The following PTPRS variants were observed in gnomAD, a reference collection of about 807,000 sequenced individuals.
PTPRS encodes receptor-type tyrosine-protein phosphatase S.
Under a neutral mutation model 215.3 loss-of-function variants are expected in PTPRS, and 63 were observed. The observed-to-expected ratio is 0.29, with a 90% CI of 0.24 to 0.36. The LOEUF (loss-of-function observed/expected upper bound fraction) is 0.36, where lower values mean the gene tolerates loss of function less well. Ranked by LOEUF, PTPRS falls within the 10% of genes least tolerant of loss-of-function variation. PTPRS has a pLI of 1.00. For synonymous variants in PTPRS, 1,404 were observed against 1,191.4 expected, an observed-to-expected ratio of 1.18 and a Z score of -3.68; for missense variants, 2,258 against 2,825.8, an observed-to-expected ratio of 0.80 and a Z score of 4.56.
chr19:5,211,789 G>C, intron 32 of PTPRS, 21 bp from the exon 33 acceptor site: 1 of 1,607,220 alleles, frequency 6.2e-7, no homozygotes, highest in Non-Finnish European at 8.5e-7. Flanking sequence ...GAGGAAGCCA[G>C]AGGCCACCAT....
chr19:5,286,954 G>A (rs190941613), intron 1 of PTPRS, among the ~76,000 whole-genome samples: 113 of 152,184 alleles, frequency 7.4e-4, no homozygotes, highest in Non-Finnish European at 1.3e-3. Flanking sequence ...AGGAAGGAGG[G>A]GACTCCAGAC....
At position 5,222,152 on chromosome 19, in the gene PTPRS, C is replaced by T. The variant is rs1599455730; in HGVS notation, c.3172G>A (p.Asp1058Asn). The T allele has an allele frequency of 6.2e-7, 1 of 1,613,996 alleles. No homozygotes were observed. The highest frequency in any genetic ancestry group is 8.5e-7 in the Non-Finnish European group (1 of 1,179,976). ...TAGGGTGTGGGTGAGTTGTAGTTGTCAGGGAACTCCCAGCTGAGCAGAACT... is the reference window on the plus strand; with the variant it reads ...TAGGGTGTGGGTGAGTTGTAGTTGTTAGGGAACTCCCAGCTGAGCAGAACT... Reference protein sequence around the residue: ...TSVLLSWEFPDNYNSPTPYKI... With the variant: ...TSVLLSWEFPNNYNSPTPYKI... Residue 1058 changes from aspartate (D) to asparagine (N), a missense_variant, in exon 19 of 38, where the codon GAC (aspartate) becomes AAC (asparagine). Asp to Asn is a conservative substitution (Grantham distance 23). Around this residue, in one of 6 missense-constraint regions of PTPRS, gnomAD observed 361 missense variants for 332.6 expected, o/e 1.09. Coordinates refer to ENST00000262963, the MANE Select transcript of PTPRS (RefSeq NM_002850.4).
chr19:5,270,197 G>A (rs1412762699), intron 4 of PTPRS, among the ~76,000 whole-genome samples: 2 of 152,154 alleles, frequency 1.3e-5, no homozygotes, highest in East Asian at 3.9e-4. Flanking sequence ...ATGGGATCCA[G>A]GACCCACGCA....
intron 1 of PTPRS, among the ~76,000 whole-genome samples, chr19:5,331,305 TTG>T (rs1013365405): frequency 5.3e-5 from 8 of 151,622 alleles, no homozygotes; most frequent in African/African-American, 1.9e-4. Flanking sequence ...TGATTTTTTT[TTG>T]TTTTTTGTAG....
intron 11 of PTPRS, 149 bp from the exon 12 acceptor site, chr19:5,240,481 A>C: frequency 1.4e-6 from 1 of 712,252 alleles, no homozygotes; most frequent in Non-Finnish European, 2.1e-6. Flanking sequence ...CCCCCATCCC[A>C]TTGTCACCTG....
intron 2 of PTPRS, among the ~76,000 whole-genome samples, chr19:5,279,773 C>T (rs111311395): frequency 6.6e-6 from 1 of 152,146 alleles, no homozygotes; most frequent in Admixed American, 6.6e-5. Context: ...AGCTTCACCT[C>T]CCGGATTCAC....
chr19:5,222,319 G>C, intron 18 of PTPRS, 99 bp from the exon 19 acceptor site: 2 of 1,013,730 alleles, frequency 2.0e-6, no homozygotes, highest in Non-Finnish European at 3.0e-6. Flanking sequence ...GGCGGCCCAG[G>C]CGCTCCCTGT....
intron 18 of PTPRS, among the ~76,000 whole-genome samples, chr19:5,222,450 AGGAGGAGGAAGAGGGG>A (rs2042068125): frequency 5.2e-5 from 2 of 38,682 alleles, no homozygotes; most frequent in Non-Finnish European, 9.5e-5. Flanking sequence ...AAGAAGGTGG[AGGAGGAGGAAGAGGGG>A]GGAGGGGAGC....
At chr19:5,316,906 G>T (rs903664413) in intron 1 of PTPRS, among the ~76,000 whole-genome samples, 1 of 152,164 alleles carries the variant, frequency 6.6e-6, no homozygotes, top group Admixed American at 6.6e-5. Context: ...CCCAGGCACC[G>T]GGGACCTGGC....
chr19:5,312,173 C>G (rs1201496197), intron 1 of PTPRS, among the ~76,000 whole-genome samples: 1 of 152,064 alleles, frequency 6.6e-6, no homozygotes, highest in Non-Finnish European at 1.5e-5. Context: ...GCATGTCCGT[C>G]AGGAGGGGCT....
intron 17 of PTPRS, 135 bp from the exon 18 acceptor site, chr19:5,223,432 C>A: frequency 8.8e-7 from 1 of 1,141,586 alleles, no homozygotes. Flanking sequence ...ACTCTGTTGC[C>A]CAGCCTGGAG....
chr19:5,324,654 A>G (rs2050123402), intron 1 of PTPRS, among the ~76,000 whole-genome samples: 1 of 151,918 alleles, frequency 6.6e-6, no homozygotes, highest in Non-Finnish European at 1.5e-5. Context: ...TCCTAACTCA[A>G]CTCTACTTGC....
chr19:5,215,662 G>A (rs905364115), intron 26 of PTPRS, 67 bp from the exon 27 acceptor site: 11 of 1,099,606 alleles, frequency 1.0e-5, no homozygotes, highest in Non-Finnish European at 1.5e-5. Context: ...TCGGGGGAGG[G>A]GGGTGATCTA....
At chr19:5,241,788 G>A (rs770180808) in intron 11 of PTPRS, among the ~76,000 whole-genome samples, 21 of 152,098 alleles carry the variant, frequency 1.4e-4, no homozygotes, top group Non-Finnish European at 2.6e-4. Flanking sequence ...TCCAAGTCCT[G>A]CCACCTGAGC....
intron 25 of PTPRS, among the ~76,000 whole-genome samples, chr19:5,217,377 G>T (rs1378184926): frequency 6.6e-6 from 1 of 152,100 alleles, no homozygotes; most frequent in African/African-American, 2.4e-5. Context: ...AAAAACCAAA[G>T]CAACACGAAT....
At chr19:5,227,224 A>G (rs927483142) in intron 16 of PTPRS, among the ~76,000 whole-genome samples, 1 of 151,828 alleles carries the variant, frequency 6.6e-6, no homozygotes, top group Non-Finnish European at 1.5e-5. Flanking sequence ...AATGATGTTT[A>G]TATTTTTTGT....
intron 9 of PTPRS, among the ~76,000 whole-genome samples, chr19:5,248,646 G>C (rs1016847914): frequency 6.6e-6 from 1 of 152,182 alleles, no homozygotes. Flanking sequence ...TCCACTTCTC[G>C]ACACCCTGCC....
rs146766130 is a variant in PTPRS, at chr19:5,268,206, A to T, written c.380-3010T>A. On this transcript the variant is annotated intron_variant, in intron 4 of 37. Coordinates refer to ENST00000262963, the MANE Select transcript of PTPRS (RefSeq NM_002850.4). ...ATAAATAAATTAATTAATTAATTAA[A>T]TAAAGTTTTATTGGCACACAGCCAC... Among the ~76,000 whole-genome samples, 762 of 152,152 alleles carry T rather than the reference A, an allele frequency of 5.0e-3. 17 individuals carry two copies. Among genetic ancestry groups the T allele is most frequent in the African/African-American group, 2.3e-3 (94 of 41,542 alleles).
intron 1 of PTPRS, among the ~76,000 whole-genome samples, chr19:5,333,235 C>A (rs2050383911): frequency 6.6e-6 from 1 of 151,544 alleles, no homozygotes; most frequent in African/African-American, 2.4e-5. Flanking sequence ...TTTTCCGAGG[C>A]CAAGGCAGGC....
Sources: allele counts gnomAD v4.1 joint callset (sites outside exome capture counted in the v4.1 genomes callset), GRCh38; gene constraint gnomAD v4.1.1; regional missense constraint gnomAD v4.1.1; transcripts MANE v1.5; gene names NCBI Gene and HGNC (gene_info 2026-07-23, HGNC 2026-07-21).